XXYLT1: variants seen among roughly 807,000 people sequenced by gnomAD.
XXYLT1 encodes the protein UDP-xylose:alpha-xyloside alpha-1,3-xylosyltransferase.
In XXYLT1, 20 loss-of-function variants were observed where a neutral mutation model predicts 28.9. The ratio of observed to expected loss-of-function variants is 0.69; its 90% CI spans 0.49 to 1.00. The LOEUF (loss-of-function observed/expected upper bound fraction) is 1.00, where lower values mean the gene tolerates loss of function less well. XXYLT1 is among the 50% of genes least tolerant of loss of function. The pLI, the probability that XXYLT1 is intolerant of heterozygous loss-of-function variation, is 0.00. For missense variants in XXYLT1, 542 were observed against 560.1 expected (o/e 0.97, Z 0.33); for synonymous variants, 257 against 253.8 (o/e 1.01, Z -0.12).
rs756370080 is a variant in XXYLT1, at chr3:195,168,145, G to A, written c.653-11564C>T. ...CTCACCGGCCTGGCTATGGCACTGCGTCCAACCATGGGCAAGCCATCCCCA... is the reference window on the plus strand; with the variant it reads ...CTCACCGGCCTGGCTATGGCACTGCATCCAACCATGGGCAAGCCATCCCCA... On this transcript the variant is annotated intron_variant, in intron 2 of 3. Transcript: ENST00000310380. This position sits in a 1 kb window ranked among gnomAD's most constrained non-coding sequence, Gnocchi z 4.3. 4.6e-5 allele frequency among the ~76,000 whole-genome samples: 7 copies of A among 152,186 alleles called. No individual in the cohort carries two copies. Among genetic ancestry groups the A allele is most frequent in the African/African-American group, 9.7e-5 (4 of 41,440 alleles).
In XXYLT1 at chr3:195,231,791, G is replaced by T. The variant is rs533212891; in HGVS notation, c.505-4935C>A. 3.1e-4 allele frequency among the ~76,000 whole-genome samples: 46 copies of T among 150,164 alleles called. 1 individual carries two copies. Among genetic ancestry groups the T allele is most frequent in the African/African-American group, 9.1e-4 (37 of 40,870 alleles). ...TTAAATGTACTGCTGACTTTGGTTTGTTAGCATTTTGTTGAGAATTTTTGC... is the reference window on the plus strand; with the variant it reads ...TTAAATGTACTGCTGACTTTGGTTTTTTAGCATTTTGTTGAGAATTTTTGC... On this transcript the variant is annotated intron_variant, in intron 1 of 3. Coordinates refer to ENST00000310380, the MANE Select transcript of XXYLT1 (RefSeq NM_152531.5).
At chr3:195,128,166 C>T (rs1389148643) in intron 3 of XXYLT1, among the ~76,000 whole-genome samples, 1 of 152,168 alleles carries the variant, frequency 6.6e-6, no homozygotes. Context: ...TTCTAGCATG[C>T]AGTCCTAGTC....
In XXYLT1 at chr3:195,193,441, T is replaced by G. The variant is rs143867416; in HGVS notation, c.652+33268A>C. 2.9e-3 allele frequency among the ~76,000 whole-genome samples: 447 copies of G among 152,320 alleles called. 3 individuals are homozygous for G. The highest frequency in any genetic ancestry group is 0.01 in the African/African-American group (425 of 41,562). On this transcript the variant is annotated intron_variant, in intron 2 of 3. Coordinates refer to ENST00000310380, the MANE Select transcript of XXYLT1 (RefSeq NM_152531.5). Reference sequence around the variant, plus strand: ...GGAGAGACATTTCATGTTCATGCATTGGAAGCCTCAACACCGTCAAGATGG... The same window carrying G: ...GGAGAGACATTTCATGTTCATGCATGGGAAGCCTCAACACCGTCAAGATGG...
chr3:195,254,525 C>T (rs1316815882), intron 1 of XXYLT1, among the ~76,000 whole-genome samples: 1 of 152,250 alleles, frequency 6.6e-6, no homozygotes, highest in Non-Finnish European at 1.5e-5. Context: ...GATCTCTGTG[C>T]CAAAACTGCT....
chr3:195,090,893 A>G (rs954276345), intron 3 of XXYLT1, among the ~76,000 whole-genome samples: 1 of 151,710 alleles, frequency 6.6e-6, no homozygotes, highest in Non-Finnish European at 1.5e-5. Context: ...AGAATACTAC[A>G]AACACCTCTA....
intron 3 of XXYLT1, among the ~76,000 whole-genome samples, chr3:195,144,813 T>C (rs1380351267): frequency 6.6e-6 from 1 of 152,158 alleles, no homozygotes. Context: ...TAAAAGGGTG[T>C]GAGATGTGAG....
At chr3:195,203,278 AAG>A (rs1722932724) in intron 2 of XXYLT1, among the ~76,000 whole-genome samples, 1 of 152,232 alleles carries the variant, frequency 6.6e-6, no homozygotes, top group Non-Finnish European at 1.5e-5. Context: ...TAAGGGCATA[AAG>A]AGTTCATAGA....
intron 1 of XXYLT1, among the ~76,000 whole-genome samples, chr3:195,262,357 G>C (rs1725722021): frequency 6.6e-6 from 1 of 152,154 alleles, no homozygotes; most frequent in Non-Finnish European, 1.5e-5. Flanking sequence ...TGATGCTAAT[G>C]GATACAGGGT....
chr3:195,226,675 C>T, intron 2 of XXYLT1, 34 bp downstream of exon 2: 1 of 1,604,912 alleles, frequency 6.2e-7, no homozygotes, highest in Non-Finnish European at 8.5e-7. Context: ...AAGTCAGACA[C>T]CCAGGGGCTA....
At chr3:195,082,839 A>C (rs1013335388) in intron 3 of XXYLT1, among the ~76,000 whole-genome samples, 6 of 152,188 alleles carry the variant, frequency 3.9e-5, no homozygotes, top group Admixed American at 3.3e-4. Flanking sequence ...TCTCAAAAAA[A>C]AAAAGAAGGA....
At position 195,162,941 on chromosome 3, in the gene XXYLT1, C is replaced by T. The variant is rs144847050; in HGVS notation, c.653-6360G>A. Among the ~76,000 whole-genome samples, 23 of 152,244 alleles carry T rather than the reference C, an allele frequency of 1.5e-4. 1 individual carries two copies. The East Asian group carries it at 4.4e-3, about 29-fold the overall frequency. On this transcript the variant is annotated intron_variant, in intron 2 of 3. Coordinates refer to ENST00000310380, the MANE Select transcript of XXYLT1 (RefSeq NM_152531.5). Reference sequence around the variant, plus strand: ...TTCTATGGTAAGGATGTCCATGGTCCCTGCTGGCCTTTCCATAGTTCACAT... The same window carrying T: ...TTCTATGGTAAGGATGTCCATGGTCTCTGCTGGCCTTTCCATAGTTCACAT...
chr3:195,161,007 G>A (rs1720844050), intron 2 of XXYLT1, among the ~76,000 whole-genome samples: 1 of 152,206 alleles, frequency 6.6e-6, no homozygotes, highest in Admixed American at 6.5e-5. Context: ...AAGGAAGACG[G>A]GGAGCTTGCC....
At chr3:195,263,992 A>G (rs1725768031) in intron 1 of XXYLT1, among the ~76,000 whole-genome samples, 1 of 152,034 alleles carries the variant, frequency 6.6e-6, no homozygotes. Flanking sequence ...CTGGACAAAC[A>G]CTCCGGCCTG....
intron 2 of XXYLT1, among the ~76,000 whole-genome samples, chr3:195,167,175 T>C (rs981258677): frequency 1.3e-5 from 2 of 152,240 alleles, no homozygotes; most frequent in Admixed American, 1.3e-4. Context: ...GCTACTATTT[T>C]TCTCTTTGTA....
At chr3:195,122,621 C>A (rs1282816549) in intron 3 of XXYLT1, among the ~76,000 whole-genome samples, 1 of 152,220 alleles carries the variant, frequency 6.6e-6, no homozygotes, top group African/African-American at 2.4e-5. Context: ...GGTCCTTCGA[C>A]TCCACAGGAA....
intron 3 of XXYLT1, among the ~76,000 whole-genome samples, chr3:195,105,513 T>C (rs1286495507): frequency 6.6e-6 from 1 of 152,128 alleles, no homozygotes; most frequent in African/African-American, 2.4e-5. Context: ...AGGACTCAAG[T>C]GCAAAGTCAA....
At chr3:195,201,815 G>A (rs1277580378) in intron 2 of XXYLT1, among the ~76,000 whole-genome samples, 2 of 152,182 alleles carry the variant, frequency 1.3e-5, no homozygotes, top group Non-Finnish European at 2.9e-5. Context: ...TTAATTCCAA[G>A]TTTGGGACTT....
intron 3 of XXYLT1, among the ~76,000 whole-genome samples, chr3:195,096,307 T>A (rs920062104): frequency 7.9e-5 from 12 of 152,252 alleles, no homozygotes; most frequent in Admixed American, 2.0e-4. Flanking sequence ...ACGGGGAGGC[T>A]GGTGACAGTG....
At chr3:195,206,214 G>A (rs937738908) in intron 2 of XXYLT1, among the ~76,000 whole-genome samples, 7 of 151,362 alleles carry the variant, frequency 4.6e-5, no homozygotes, top group African/African-American at 1.7e-4. Context: ...GCTTCACTGT[G>A]TTAGCCAGGA....
Sources: allele counts gnomAD v4.1 joint callset (sites outside exome capture counted in the v4.1 genomes callset), GRCh38; gene constraint gnomAD v4.1.1; non-coding constraint Gnocchi (gnomAD v3.1); transcripts MANE v1.5; gene names NCBI Gene and HGNC (gene_info 2026-07-23, HGNC 2026-07-21).